The following SPHKAP variants were observed in gnomAD, a reference collection of about 807,000 sequenced individuals.
SPHKAP encodes SPHK1 interactor, AKAP domain containing.
SPHKAP carries 67 observed loss-of-function variants against 137.5 expected under a neutral mutation model. The ratio of observed to expected loss-of-function variants is 0.49; its 90% CI spans 0.40 to 0.60. The LOEUF (loss-of-function observed/expected upper bound fraction) is 0.60, where lower values mean the gene tolerates loss of function less well. Ranked by LOEUF, SPHKAP falls within the 20% of genes least tolerant of loss-of-function variation. The pLI is 0.00. For missense variants in SPHKAP, 2,097 were observed against 2,069.3 expected (o/e 1.01, Z -0.26); for synonymous variants, 813 against 785.3 (o/e 1.04, Z -0.59).
intron 3 of SPHKAP, among the ~76,000 whole-genome samples, chr2:228,054,361 G>A (rs1372151929): frequency 1.3e-5 from 2 of 152,156 alleles, no homozygotes; most frequent in African/African-American, 4.8e-5. Flanking sequence ...CAATGGAAGA[G>A]CAAAATTTAA....
chr2:228,096,532 C>T (rs1697987380), intron 3 of SPHKAP, among the ~76,000 whole-genome samples: 1 of 152,016 alleles, frequency 6.6e-6, no homozygotes, highest in African/African-American at 2.4e-5. Context: ...ACGAAAACTG[C>T]ATCCCACGAG....
chr2:228,001,316 TATAA>T (rs1299471378), intron 7 of SPHKAP, among the ~76,000 whole-genome samples: 8 of 143,870 alleles, frequency 5.6e-5, no homozygotes, highest in Non-Finnish European at 1.1e-4. Context: ...TCTATACATA[TATAA>T]ATATATATAC....
intron 3 of SPHKAP, among the ~76,000 whole-genome samples, chr2:228,089,866 T>C (rs1033797923): frequency 2.0e-5 from 3 of 152,132 alleles, no homozygotes; most frequent in African/African-American, 7.2e-5. Context: ...AGGGTTGCCA[T>C]CTTCCACCTA....
intron 11 of SPHKAP, among the ~76,000 whole-genome samples, chr2:227,989,351 T>C (rs915551832): frequency 6.6e-6 from 1 of 152,184 alleles, no homozygotes; most frequent in South Asian, 2.1e-4. Context: ...ATATCTGTTC[T>C]GTTTTTTCAC....
intron 1 of SPHKAP, among the ~76,000 whole-genome samples, chr2:228,138,684 A>G (rs559746386): frequency 3.3e-5 from 5 of 152,326 alleles, no homozygotes; most frequent in Admixed American, 3.3e-4. Context: ...CCATAGCTGT[A>G]AAATAAATTC....
chr2:228,045,032 T>A (rs529460627), intron 3 of SPHKAP, among the ~76,000 whole-genome samples: 2 of 151,722 alleles, frequency 1.3e-5, no homozygotes, highest in Non-Finnish European at 2.9e-5. Flanking sequence ...GAAATGCAAA[T>A]CAAAACCACG....
intron 3 of SPHKAP, among the ~76,000 whole-genome samples, chr2:228,054,612 G>A (rs1264715184): frequency 6.6e-6 from 1 of 152,080 alleles, no homozygotes; most frequent in Non-Finnish European, 1.5e-5. Flanking sequence ...ACACACGTTT[G>A]GTTCACTAAC....
chr2:228,004,968 T>C (rs1694067755), intron 7 of SPHKAP, among the ~76,000 whole-genome samples: 1 of 152,252 alleles, frequency 6.6e-6, no homozygotes, highest in Non-Finnish European at 1.5e-5. Flanking sequence ...AGGAGTGCTT[T>C]ACTTCCAACT....
chr2:228,016,356 C>A, intron 7 of SPHKAP, 50 bp downstream of exon 7: 1 of 1,499,432 alleles, frequency 6.7e-7, no homozygotes, highest in East Asian at 2.3e-5. Context: ...CTGATTAAGA[C>A]GCAAACTCCA....
intron 1 of SPHKAP, among the ~76,000 whole-genome samples, chr2:228,151,027 C>T (rs112441435): frequency 6.9e-4 from 105 of 151,852 alleles, no homozygotes; most frequent in African/African-American, 2.3e-3. Context: ...TGGTGTGCTG[C>T]ACCCATTAAC....
chr2:227,991,692 T>G lies in SPHKAP; in HGVS notation c.4722-366A>C, dbSNP rs1300439520. ...GGTAACTAGTTCTGATTTGGAGATT[T>G]ATTCTTTTGCATTTTACTTTCATCT... On this transcript the variant is annotated intron_variant, in intron 9 of 11. Coordinates refer to ENST00000392056, the MANE Select transcript of SPHKAP (RefSeq NM_001142644.2). 3 of 984,442 alleles carry G rather than the reference T, an allele frequency of 3.0e-6. No homozygotes were observed. The African/African-American group carries it at 5.2e-5, about 17-fold the overall frequency. The allele number at this position is 984,442 out of a possible 1,614,324, so 61.0% of individuals were successfully genotyped here. A position where few individuals can be genotyped will look rare whatever the true frequency, so the allele number is the denominator to read the frequency against.
chr2:227,994,310 C>T (rs1343965287), intron 8 of SPHKAP, among the ~76,000 whole-genome samples: 1 of 152,152 alleles, frequency 6.6e-6, no homozygotes, highest in Non-Finnish European at 1.5e-5. Context: ...GCTGCACAGT[C>T]AACATATGGT....
rs145857725 is a variant in SPHKAP at position 228,083,163 on chromosome 2, A to G, written c.246+25669T>C. ...CTTACTGAAAAGCAAAATAAGAAAGAAAAAAAGAAAGCAATAGATGGGGTA... is the reference window on the plus strand; with the variant it reads ...CTTACTGAAAAGCAAAATAAGAAAGGAAAAAAGAAAGCAATAGATGGGGTA... On this transcript the variant is annotated intron_variant, in intron 3 of 11. Coordinates refer to ENST00000392056, the MANE Select transcript of SPHKAP (RefSeq NM_001142644.2). 1.9e-3 allele frequency among the ~76,000 whole-genome samples: 282 copies of G among 152,346 alleles called. 1 individual carries two copies. Among genetic ancestry groups the G allele is most frequent in the African/African-American group, 6.4e-3 (266 of 41,586 alleles).
At chr2:228,014,241 A>G (rs1448168612) in intron 7 of SPHKAP, among the ~76,000 whole-genome samples, 1 of 152,168 alleles carries the variant, frequency 6.6e-6, no homozygotes, top group Non-Finnish European at 1.5e-5. Flanking sequence ...TGGGTTTAAG[A>G]TATCTGTGTT....
chr2:228,075,597 A>G (rs1182871873), intron 3 of SPHKAP, among the ~76,000 whole-genome samples: 6 of 152,162 alleles, frequency 3.9e-5, no homozygotes, highest in Non-Finnish European at 8.8e-5. Context: ...CAGTTTAGAG[A>G]AAAAAAGCTA....
intron 7 of SPHKAP, among the ~76,000 whole-genome samples, chr2:228,011,466 C>A (rs893980285): frequency 6.6e-6 from 1 of 152,196 alleles, no homozygotes; most frequent in African/African-American, 2.4e-5. Context: ...AATTTACTAC[C>A]TTTTCAAATT....
intron 7 of SPHKAP, among the ~76,000 whole-genome samples, chr2:227,999,701 A>T (rs910358922): frequency 3.3e-5 from 5 of 152,226 alleles, no homozygotes; most frequent in East Asian, 3.9e-4. Flanking sequence ...CATGTCACAT[A>T]ACTAGGAGTT....
chr2:228,041,143 T>G (rs771059837), intron 3 of SPHKAP, among the ~76,000 whole-genome samples: 2 of 152,212 alleles, frequency 1.3e-5, no homozygotes, highest in African/African-American at 4.8e-5. Context: ...TTTCTTGTGT[T>G]TTATCAGCCA....
chr2:228,107,980 T>C (rs1411946299), intron 3 of SPHKAP, among the ~76,000 whole-genome samples: 2 of 152,318 alleles, frequency 1.3e-5, no homozygotes, highest in Admixed American at 1.3e-4. Flanking sequence ...TCTGGTTCTT[T>C]AGTTCTGCTC....
Sources: allele counts gnomAD v4.1 joint callset (sites outside exome capture counted in the v4.1 genomes callset), GRCh38; gene constraint gnomAD v4.1.1; transcripts MANE v1.5; gene names NCBI Gene and HGNC (gene_info 2026-07-23, HGNC 2026-07-21).